The following CDH18 variants were observed in gnomAD, a reference collection of about 807,000 sequenced individuals.
The protein encoded by CDH18 is cadherin 18, also known as cadherin-18.
CDH18 carries 31 observed loss-of-function variants against 67.9 expected under a neutral mutation model. The ratio of observed to expected loss-of-function variants is 0.46; its 90% CI spans 0.34 to 0.62. CDH18 has a LOEUF of 0.62. Ranked by LOEUF, CDH18 falls within the 20% of genes least tolerant of loss-of-function variation. The probability of loss-of-function intolerance (pLI) is 0.01; values close to 1 mark genes in which losing one functional copy is unlikely to be tolerated. For missense variants in CDH18, 890 were observed against 975.5 expected, an observed-to-expected ratio of 0.91 and a Z score of 1.17; for synonymous variants, 362 against 347.2, an observed-to-expected ratio of 1.04 and a Z score of -0.48.
At chr5:20,453,516 A>G (rs1750619678) in intron 1 of CDH18, among the ~76,000 whole-genome samples, 1 of 151,910 alleles carries the variant, frequency 6.6e-6, no homozygotes, top group South Asian at 2.1e-4. Context: ...ATATCCTATC[A>G]ATCAATCAAC....
In CDH18 at chr5:20,293,086, G is replaced by A. The variant is rs569027791; in HGVS notation, c.-579-37581C>T. On this transcript the variant is annotated intron_variant, in intron 1 of 14. Coordinates refer to the CDH18 transcript ENST00000507958. ...AATCCCAGCACTTTGGGAGGCCGAG[G>A]AGGGCTGATCACCTAAGGTCAGGAG... 3.9e-5 allele frequency among the ~76,000 whole-genome samples: 6 copies of A among 152,244 alleles called. No homozygotes were observed. In the East Asian group the frequency reaches 7.8e-4, roughly 20 times the overall value.
chr5:20,502,131 G>A (rs1370444867), intron 1 of CDH18, among the ~76,000 whole-genome samples: 2 of 151,846 alleles, frequency 1.3e-5, no homozygotes, highest in African/African-American at 2.4e-5. Context: ...AGATTAGATT[G>A]CTTATCTTGC....
At chr5:19,669,612 C>T (rs1387992529) in intron 5 of CDH18, among the ~76,000 whole-genome samples, 1 of 152,098 alleles carries the variant, frequency 6.6e-6, no homozygotes, top group Non-Finnish European at 1.5e-5. Context: ...CTAATGTTCA[C>T]TTTGCCTGAG....
intron 1 of CDH18, among the ~76,000 whole-genome samples, chr5:20,363,410 G>C (rs1353762439): frequency 1.3e-5 from 2 of 150,508 alleles, no homozygotes; most frequent in East Asian, 3.9e-4. Flanking sequence ...ACTTGAACCT[G>C]GGAGGCAGAG....
At chr5:19,765,262 G>T (rs938242162) in intron 3 of CDH18, among the ~76,000 whole-genome samples, 5 of 152,164 alleles carry the variant, frequency 3.3e-5, no homozygotes, top group Non-Finnish European at 7.3e-5. Flanking sequence ...TTTTAGCTCA[G>T]TGAGCAAGTA....
At chr5:19,875,222 A>C (rs1024684743) in intron 2 of CDH18, among the ~76,000 whole-genome samples, 1 of 152,156 alleles carries the variant, frequency 6.6e-6, no homozygotes, top group African/African-American at 2.4e-5. Context: ...TAAGCGTTTG[A>C]TATTTTGACC....
At chr5:19,830,592 A>G (rs1331538683) in intron 3 of CDH18, among the ~76,000 whole-genome samples, 1 of 152,138 alleles carries the variant, frequency 6.6e-6, no homozygotes, top group African/African-American at 2.4e-5. Flanking sequence ...TGATGGGAAT[A>G]TAAATAAGTT....
At chr5:20,190,272 A>G (rs916927732) in intron 2 of CDH18, among the ~76,000 whole-genome samples, 1 of 152,148 alleles carries the variant, frequency 6.6e-6, no homozygotes, top group African/African-American at 2.4e-5. Flanking sequence ...CTTCAGTTAC[A>G]TCAATCCTTG....
intron 11 of CDH18, among the ~76,000 whole-genome samples, chr5:19,485,636 G>A (rs1002248951): frequency 1.3e-5 from 2 of 152,156 alleles, no homozygotes; most frequent in Non-Finnish European, 2.9e-5. Context: ...TAATTTATCA[G>A]TCATGTTTAC....
chr5:19,917,308 G>A (rs975358975), intron 2 of CDH18, among the ~76,000 whole-genome samples: 14 of 151,576 alleles, frequency 9.2e-5, no homozygotes, highest in African/African-American at 2.9e-4. Context: ...GCTTCCTTAC[G>A]TTCTCCTCCT....
intron 3 of CDH18, among the ~76,000 whole-genome samples, chr5:19,778,567 A>G (rs1375437663): frequency 2.0e-5 from 3 of 152,170 alleles, no homozygotes; most frequent in Admixed American, 6.6e-5. Flanking sequence ...CAAATAAACA[A>G]AATTAGAAAG....
chr5:20,386,867 C>T (rs1023408342), intron 1 of CDH18, among the ~76,000 whole-genome samples: 5 of 152,042 alleles, frequency 3.3e-5, no homozygotes, highest in Admixed American at 2.0e-4. Flanking sequence ...ATGCCACTGT[C>T]ATTGTCTTCT....
intron 12 of CDH18, among the ~76,000 whole-genome samples, chr5:19,479,622 C>T (rs1033709507): frequency 1.6e-4 from 24 of 152,120 alleles, no homozygotes; most frequent in African/African-American, 5.5e-4. Context: ...TTCTCTTTGT[C>T]CACCACGTGT....
intron 1 of CDH18, among the ~76,000 whole-genome samples, chr5:20,293,274 G>A (rs963954095): frequency 6.6e-6 from 1 of 152,026 alleles, no homozygotes; most frequent in Non-Finnish European, 1.5e-5. Flanking sequence ...CTGAGATCAC[G>A]CCATTGCACT....
intron 2 of CDH18, among the ~76,000 whole-genome samples, chr5:20,211,611 G>T (rs1322572132): frequency 6.6e-6 from 1 of 152,180 alleles, no homozygotes; most frequent in African/African-American, 2.4e-5. Context: ...AGCCTCTGCT[G>T]GTGATACCCA....
intron 2 of CDH18, among the ~76,000 whole-genome samples, chr5:20,205,405 G>C (rs1365164756): frequency 6.6e-6 from 1 of 151,810 alleles, no homozygotes; most frequent in Non-Finnish European, 1.5e-5. Context: ...GATCTAAAGG[G>C]AGAGATACAC....
In CDH18 at chr5:20,422,081, C is replaced by A. The variant is rs560567279; in HGVS notation, c.-580+153381G>T. Among the ~76,000 whole-genome samples the A allele has an allele frequency of 2.1e-3, 312 of 151,114 alleles. 15 individuals carry two copies. Among genetic ancestry groups the A allele is most frequent in the African/African-American group, 6.9e-3 (282 of 40,578 alleles). On this transcript the variant is annotated intron_variant, in intron 1 of 14. Coordinates refer to the CDH18 transcript ENST00000507958. ...TTTCCTGTAATTCATATTCTAACTT[C>A]AAATGTGTATGGTATGAAAATTCTA... is the stretch of plus-strand genomic sequence containing the variant.
At chr5:19,923,889 AC>A (rs1361152975) in intron 2 of CDH18, among the ~76,000 whole-genome samples, 2 of 152,132 alleles carry the variant, frequency 1.3e-5, no homozygotes, top group African/African-American at 4.8e-5. Flanking sequence ...GCTGTTGTTC[AC>A]CTCTTGTGGA....
At chr5:20,480,863 C>CA (rs1470619800) in intron 1 of CDH18, among the ~76,000 whole-genome samples, 3 of 151,464 alleles carry the variant, frequency 2.0e-5, no homozygotes, top group Non-Finnish European at 4.4e-5. Flanking sequence ...CACACATAAA[C>CA]AAAAAATAAA....
Sources: allele counts gnomAD v4.1 joint callset (sites outside exome capture counted in the v4.1 genomes callset), GRCh38; gene constraint gnomAD v4.1.1; transcripts MANE v1.5; gene names NCBI Gene and HGNC (gene_info 2026-07-23, HGNC 2026-07-21).